The following CA2 variants were observed in gnomAD, a reference collection of about 807,000 sequenced individuals.
CA2 encodes carbonate dehydratase II.
In CA2, 23 loss-of-function variants were observed where a neutral mutation model predicts 27.8. That is an observed-to-expected ratio of 0.83 (90% CI 0.59 to 1.17). The LOEUF (loss-of-function observed/expected upper bound fraction) is 1.17. Among genes scored for constraint, CA2 ranks in the 50% most tolerant of loss-of-function variants. CA2 has a pLI of 0.00. For synonymous variants in CA2, 99 were observed against 114.9 expected, an observed-to-expected ratio of 0.86 and a Z score of 0.88; for missense variants, 300 against 314.7, an observed-to-expected ratio of 0.95 and a Z score of 0.35.
intron 2 of CA2, among the ~76,000 whole-genome samples, chr8:85,473,198 T>C (rs890247189): frequency 2.6e-5 from 4 of 152,120 alleles, no homozygotes; most frequent in Non-Finnish European, 5.9e-5. Context: ...TATCAGAGGT[T>C]AGCAAAGCAG....
intron 2 of CA2, chr8:85,473,364 A>C (rs1811737657): frequency 4.2e-6 from 2 of 472,876 alleles, no homozygotes; most frequent in African/African-American, 3.9e-5. Context: ...CTGGACCTGA[A>C]TCTATGACTC....
intron 4 of CA2, chr8:85,474,626 C>T (rs1811763672): frequency 1.7e-6 from 1 of 579,330 alleles, no homozygotes; most frequent in East Asian, 3.0e-5. Flanking sequence ...TATTTGGTAC[C>T]TTTTGGATGT....
rs1003803762 is a variant in CA2, at chr8:85,465,209, TCTC to T, written c.35-62_35-60del. On this transcript the variant is annotated intron_variant, in intron 1 of 6. Transcript: ENST00000285379. ...AGATTGGCTCCGGAATGATTGCTCT[TCTC>T]TAGGGGTCTGGGTGTACCTTTCCCC... 4.5e-6 allele frequency: 6 copies of T among 1,344,546 alleles called. No homozygotes were observed. In the African/African-American group the frequency reaches 8.6e-5, roughly 19 times the overall value. The allele number at this position is 1,344,546 out of a possible 1,614,324, so 83.3% of individuals were successfully genotyped here.
At chr8:85,465,146 C>A in intron 1 of CA2, 126 bp from the exon 2 acceptor site, 3 of 709,924 alleles carry the variant, frequency 4.2e-6, no homozygotes, top group Non-Finnish European at 4.9e-6. Context: ...CAAAATTTAG[C>A]CCATTGTTAA....
chr8:85,464,259 G>A lies in CA2; in HGVS notation c.34+144G>A, dbSNP rs1811583835. 9.5e-6 allele frequency: 6 copies of A among 629,126 alleles called. No homozygotes were observed. In the South Asian group the frequency reaches 1.3e-4, roughly 14 times the overall value. The allele number at this position is 629,126 out of a possible 1,614,324, so 39.0% of individuals were successfully genotyped here. A position where few individuals can be genotyped will look rare whatever the true frequency, so the allele number is the denominator to read the frequency against. On this transcript the variant is annotated intron_variant, in intron 1 of 6. Transcript: ENST00000285379. Reference sequence around the variant, plus strand: ...CGCGGGGAGTGCTGGAGGCTCAGGTGCGCCCCGGGCGCTCGCTCCGCTCGC... The same window carrying A: ...CGCGGGGAGTGCTGGAGGCTCAGGTACGCCCCGGGCGCTCGCTCCGCTCGC...
In CA2 at chr8:85,480,985, G is replaced by A. The variant is rs1586018939; in HGVS notation, c.*196G>A. On this transcript the variant is annotated 3_prime_UTR_variant, in exon 7 of 7. Transcript: ENST00000285379. The stretch of plus-strand genomic sequence containing the variant: ...CATGCTTGACACAACTGCTGTGGCT[G>A]GTTGGTGCTTTGTTTATGGTAGTAG... The A allele has an allele frequency of 1.7e-6, 1 of 600,930 alleles. No individual in the cohort carries two copies. The highest frequency in any genetic ancestry group is 3.0e-5 in the East Asian group (1 of 33,410). 37.2% of individuals were successfully genotyped at this position (600,930 alleles called of 1,614,324 possible).
chr8:85,477,386 C>T lies in CA2; in HGVS notation c.663+111C>T. ...AGATTTAATCCTTCTCCTGCTACTT[C>T]TTGCTATGGAAATAGTGCCTTTGAT... On this transcript the variant is annotated intron_variant, in intron 6 of 6. Coordinates refer to ENST00000285379, the MANE Select transcript of CA2 (RefSeq NM_000067.3). 4.1e-6 allele frequency: 5 copies of T among 1,229,706 alleles called. No individual in the cohort carries two copies. In the South Asian group the frequency reaches 6.0e-5, roughly 15 times the overall value. The allele number at this position is 1,229,706 out of a possible 1,614,324, so 76.2% of individuals were successfully genotyped here.
At chr8:85,465,062 G>T in intron 1 of CA2, 1 of 565,362 alleles carries the variant, frequency 1.8e-6, no homozygotes, top group East Asian at 3.0e-5. Flanking sequence ...TTCTTACAGC[G>T]ACATCTATGA....
chr8:85,465,137 A>C (rs1198723606), intron 1 of CA2, 135 bp from the exon 2 acceptor site: 3 of 674,460 alleles, frequency 4.4e-6, no homozygotes, highest in Non-Finnish European at 7.8e-6. Context: ...GTGTTTTCCC[A>C]AAATTTAGCC....
Position 85,480,826 on chromosome 8 carries a change from CG to C in CA2, c.*40del. ...AGTCTGTATCCAAATAATGAATCTT[CG>C]GGTGTTTCCCTTTAGCTAAGCACAG... On this transcript the variant is annotated 3_prime_UTR_variant, in exon 7 of 7. Coordinates refer to ENST00000285379, the MANE Select transcript of CA2 (RefSeq NM_000067.3). The C allele has an allele frequency of 6.2e-7, 1 of 1,610,770 alleles. No homozygotes were observed. The highest frequency in any genetic ancestry group is 8.5e-7 in the Non-Finnish European group (1 of 1,177,582).
intron 6 of CA2, among the ~76,000 whole-genome samples, chr8:85,478,171 C>T (rs137888703): frequency 7.2e-5 from 11 of 152,346 alleles, no homozygotes; most frequent in African/African-American, 2.6e-4. Context: ...GTGTTTTCCA[C>T]TCAGCTACCT....
intron 5 of CA2, among the ~76,000 whole-genome samples, chr8:85,476,696 T>G (rs920812828): frequency 1.3e-5 from 2 of 152,162 alleles, no homozygotes; most frequent in African/African-American, 2.4e-5. Context: ...CAAAACAGAA[T>G]GTAGTTATTT....
rs369018299 is a variant in CA2, at chr8:85,477,506, G to A, written c.663+231G>A. Among the ~76,000 whole-genome samples, 28 of 150,984 alleles carry A rather than the reference G, an allele frequency of 1.9e-4. No individual in the cohort carries two copies. In the South Asian group the frequency reaches 3.6e-3, roughly 19 times the overall value. ...CTCTAAAATTGAATAGTCATTGTAA[G>A]GATTCAATGAGAAAGATGTCTGTCA... On this transcript the variant is annotated intron_variant, in intron 6 of 6. Coordinates refer to ENST00000285379, the MANE Select transcript of CA2 (RefSeq NM_000067.3).
At chr8:85,473,226 G>A (rs902866706) in intron 2 of CA2, among the ~76,000 whole-genome samples, 6 of 151,994 alleles carry the variant, frequency 3.9e-5, no homozygotes, top group Non-Finnish European at 8.8e-5. Context: ...GGCAGCAATC[G>A]GGCCTTGGTG....
intron 1 of CA2, chr8:85,464,373 C>T: frequency 4.6e-6 from 2 of 435,698 alleles, no homozygotes. Flanking sequence ...GCGTAGGGCC[C>T]GAGGGAGGGG....
intron 2 of CA2, among the ~76,000 whole-genome samples, chr8:85,469,349 A>T (rs956418303): frequency 6.6e-6 from 1 of 152,162 alleles, no homozygotes; most frequent in Non-Finnish European, 1.5e-5. Flanking sequence ...CTTATATCCA[A>T]ACTTAAGAAC....
intron 2 of CA2, among the ~76,000 whole-genome samples, chr8:85,472,942 C>T (rs1313796109): frequency 6.6e-6 from 1 of 150,690 alleles, no homozygotes; most frequent in Non-Finnish European, 1.5e-5. Context: ...TGCAGTGAGC[C>T]GAGATCGCAC....
At chr8:85,475,929 C>A in intron 5 of CA2, 69 bp downstream of exon 5, 3 of 1,305,258 alleles carry the variant, frequency 2.3e-6, no homozygotes, top group Non-Finnish European at 2.2e-6. Flanking sequence ...TTAGAAATTT[C>A]TTTTGATCAA....
At chr8:85,480,442 TGTG>T (rs969484657) in intron 6 of CA2, among the ~76,000 whole-genome samples, 2 of 87,332 alleles carry the variant, frequency 2.3e-5, no homozygotes, top group African/African-American at 4.6e-5. Flanking sequence ...TGTGTGTGTG[TGTG>T]TTTTTTTTTT....
Sources: allele counts gnomAD v4.1 joint callset (sites outside exome capture counted in the v4.1 genomes callset), GRCh38; gene constraint gnomAD v4.1.1; transcripts MANE v1.5; gene names NCBI Gene and HGNC (gene_info 2026-07-23, HGNC 2026-07-21).